The following SUMF1 variants were observed in gnomAD, a reference collection of about 807,000 sequenced individuals.
The protein encoded by SUMF1 is formylglycine-generating enzyme.
In SUMF1, 48 loss-of-function variants were observed where a neutral mutation model predicts 47.6. The ratio of observed to expected loss-of-function variants is 1.01; its 90% confidence interval spans 0.80 to 1.28. The LOEUF is 1.28. SUMF1 is among the 50% of genes most tolerant of loss of function. SUMF1 has a pLI of 0.00. For synonymous variants in SUMF1, 230 were observed against 192.1 expected, an observed-to-expected ratio of 1.20 and a Z score of -1.63; for missense variants, 571 against 485.4, an observed-to-expected ratio of 1.18 and a Z score of -1.66.
chr3:4,441,523 G>A (rs886332832), intron 3 of SUMF1, among the ~76,000 whole-genome samples: 1 of 152,062 alleles, frequency 6.6e-6, no homozygotes, highest in Admixed American at 6.5e-5. Context: ...CCAGTCCCTT[G>A]TGCCAAAAAG....
At chr3:4,259,057 G>C (rs1423854376) in intron 8 of SUMF1, among the ~76,000 whole-genome samples, 7 of 147,770 alleles carry the variant, frequency 4.7e-5, no homozygotes, top group Admixed American at 1.4e-4. Flanking sequence ...GGTGGGAATT[G>C]AACAATGAGA....
At chr3:4,193,080 T>C (rs139307814) in intron 8 of SUMF1, among the ~76,000 whole-genome samples, 224 of 152,224 alleles carry the variant, frequency 1.5e-3, no homozygotes, top group African/African-American at 5.2e-3. Context: ...TAATTGTCTA[T>C]TGCAGCACTG....
At chr3:4,127,251 T>G (rs1465303954) in intron 8 of SUMF1, among the ~76,000 whole-genome samples, 1 of 152,164 alleles carries the variant, frequency 6.6e-6, no homozygotes, top group Non-Finnish European at 1.5e-5. Flanking sequence ...TGAAAGTGGT[T>G]GGTTACAAAG....
intron 9 of SUMF1, among the ~76,000 whole-genome samples, chr3:4,048,949 G>C (rs995737793): frequency 2.0e-5 from 3 of 152,080 alleles, no homozygotes; most frequent in Non-Finnish European, 2.9e-5. Flanking sequence ...TTGAAACTCT[G>C]TAACATCCAA....
chr3:4,436,858 A>C (rs1041698956), intron 3 of SUMF1, among the ~76,000 whole-genome samples: 26 of 97,224 alleles, frequency 2.7e-4, no homozygotes, highest in African/African-American at 7.2e-4. Flanking sequence ...ACCTAAAAAA[A>C]AAAAAATACA....
chr3:4,207,859 T>C (rs1319372158), intron 8 of SUMF1, among the ~76,000 whole-genome samples: 2 of 152,040 alleles, frequency 1.3e-5, no homozygotes, highest in Admixed American at 6.6e-5. Context: ...AGTGCCCAGA[T>C]AGGAAATGTT....
At chr3:4,069,258 G>A (rs1695458286) in intron 8 of SUMF1, among the ~76,000 whole-genome samples, 1 of 152,140 alleles carries the variant, frequency 6.6e-6, no homozygotes, top group Non-Finnish European at 1.5e-5. Context: ...GATCCGTGTA[G>A]GGTCTTAGGG....
chr3:4,115,389 G>C (rs1693398477), intron 8 of SUMF1, among the ~76,000 whole-genome samples: 1 of 152,118 alleles, frequency 6.6e-6, no homozygotes, highest in South Asian at 2.1e-4. Flanking sequence ...GATACAGAAA[G>C]CCCTCTGCCC....
chr3:4,109,482 AT>A (rs1693241438), intron 8 of SUMF1, among the ~76,000 whole-genome samples: 1 of 152,046 alleles, frequency 6.6e-6, no homozygotes, highest in African/African-American at 2.4e-5. Context: ...GCCTTGCTAG[AT>A]TGGGGAAGTT....
chr3:4,462,303 G>A (rs921726761), intron 1 of SUMF1, among the ~76,000 whole-genome samples: 1 of 152,100 alleles, frequency 6.6e-6, no homozygotes, highest in African/African-American at 2.4e-5. Flanking sequence ...ACTTTTGCTG[G>A]AGCTACCAGG....
chr3:4,389,401 T>C (rs113651617), intron 7 of SUMF1, among the ~76,000 whole-genome samples: 23,904 of 151,780 alleles, frequency 0.16, 2,014 homozygotes, highest in Middle Eastern at 0.25. Flanking sequence ...TTGTCTTTAG[T>C]GTTCAGAAGT....
intron 8 of SUMF1, among the ~76,000 whole-genome samples, chr3:4,104,312 C>T (rs147974415): frequency 0.031 from 4,669 of 152,188 alleles, 265 homozygotes; most frequent in African/African-American, 0.11. Flanking sequence ...GATTGTGAGG[C>T]CTCCCCAGTC....
intron 1 of SUMF1, among the ~76,000 whole-genome samples, chr3:4,463,911 C>T (rs894123490): frequency 1.3e-5 from 2 of 152,160 alleles, no homozygotes; most frequent in African/African-American, 4.8e-5. Context: ...AGAGGGAATA[C>T]ACATTAAATT....
At position 4,081,527 on chromosome 3, in the gene SUMF1, TTA is replaced by T. The variant is rs1208578468; in HGVS notation, c.1015-12784_1015-12783del. Among the ~76,000 whole-genome samples the T allele has an allele frequency of 2.6e-5, 4 of 152,262 alleles. No homozygotes were observed. In the East Asian group the frequency reaches 7.7e-4, roughly 29 times the overall value. On this transcript the variant is annotated intron_variant and NMD_transcript_variant, in intron 8 of 12. Coordinates refer to the SUMF1 transcript ENST00000448413. ...AAGCTGATTGTCAGTTATTTAGGTC[TTA>T]AGGAGACAGTCCAGTAGAGTGGTTT...
At chr3:4,319,250 C>T (rs1013881137) in intron 8 of SUMF1, among the ~76,000 whole-genome samples, 21 of 152,156 alleles carry the variant, frequency 1.4e-4, no homozygotes, top group African/African-American at 5.1e-4. Context: ...CAATCATGCT[C>T]CTGTTACCAA....
intron 8 of SUMF1, among the ~76,000 whole-genome samples, chr3:4,221,414 G>GGGGT (rs1429196768): frequency 4.7e-5 from 7 of 148,200 alleles, no homozygotes; most frequent in Admixed American, 1.4e-4. Context: ...GGTTTTTTGG[G>GGGGT]GTGTGTGTGT....
Position 4,365,743 on chromosome 3 carries a change from A to C in SUMF1, c.1015-3489T>G, listed in dbSNP as rs1420207365. ...TTAAAGTTAATATTGTTATGTGTGA[A>C]TTTGATCCTGTCATTATGATGTTAG... On this transcript the variant is annotated intron_variant, in intron 8 of 8. Transcript: ENST00000272902. 2.4e-3 allele frequency among the ~76,000 whole-genome samples: 357 copies of C among 148,028 alleles called. 2 individuals are homozygous for C. The highest frequency in any genetic ancestry group is 8.5e-3 in the African/African-American group (341 of 40,332).
chr3:4,088,609 T>G (rs1302511066), intron 8 of SUMF1, among the ~76,000 whole-genome samples: 2 of 152,154 alleles, frequency 1.3e-5, no homozygotes, highest in Non-Finnish European at 2.9e-5. Context: ...TTTACTTATT[T>G]TCTATCTCCC....
chr3:4,206,991 A>G (rs1695668007), intron 8 of SUMF1, among the ~76,000 whole-genome samples: 1 of 152,144 alleles, frequency 6.6e-6, no homozygotes, highest in Non-Finnish European at 1.5e-5. Flanking sequence ...CAAACATAGT[A>G]TATCTTTCCA....
Sources: allele counts gnomAD v4.1 joint callset (sites outside exome capture counted in the v4.1 genomes callset), GRCh38; gene constraint gnomAD v4.1.1; transcripts MANE v1.5; gene names NCBI Gene and HGNC (gene_info 2026-07-23, HGNC 2026-07-21).